DPP10: variants seen among roughly 807,000 people sequenced by gnomAD.
DPP10 encodes the protein dipeptidyl peptidase like 10, also known as inactive dipeptidyl peptidase 10.
Under a neutral mutation model 120.9 loss-of-function variants are expected in DPP10, and 33 were observed. That is an observed-to-expected ratio of 0.27 (90% CI 0.21 to 0.37). The LOEUF (loss-of-function observed/expected upper bound fraction) is 0.37, where lower values mean the gene tolerates loss of function less well. DPP10 is among the 10% of genes least tolerant of loss of function. The probability of loss-of-function intolerance (pLI) is 1.00; values close to 1 mark genes in which losing one functional copy is unlikely to be tolerated. For missense variants in DPP10, 816 were observed against 942.8 expected, an observed-to-expected ratio of 0.87 and a Z score of 1.76; for synonymous variants, 337 against 326.1, an observed-to-expected ratio of 1.03 and a Z score of -0.36.
At chr2:114,761,601 T>C (rs988586389) in intron 1 of DPP10, among the ~76,000 whole-genome samples, 2 of 152,120 alleles carry the variant, frequency 1.3e-5, no homozygotes, top group Admixed American at 1.3e-4. Context: ...ATCCTTTGGG[T>C]CCTCTGCATA....
At chr2:115,635,292 A>G (rs2086235386) in intron 5 of DPP10, among the ~76,000 whole-genome samples, 1 of 152,170 alleles carries the variant, frequency 6.6e-6, no homozygotes, top group Non-Finnish European at 1.5e-5. Context: ...GAGAATCTGC[A>G]CAACTCTGCG....
At chr2:115,554,690 C>CAT (rs1281119440) in intron 5 of DPP10, among the ~76,000 whole-genome samples, 7 of 152,188 alleles carry the variant, frequency 4.6e-5, no homozygotes, top group African/African-American at 1.4e-4. Flanking sequence ...CACCAACACA[C>CAT]ATAAGTCTTT....
intron 11 of DPP10, among the ~76,000 whole-genome samples, chr2:115,758,908 A>G (rs1460986413): frequency 2.0e-5 from 3 of 152,192 alleles, no homozygotes; most frequent in Non-Finnish European, 4.4e-5. Context: ...TTGACAACTC[A>G]TATCATATTC....
intron 1 of DPP10, among the ~76,000 whole-genome samples, chr2:114,891,114 A>T (rs1398819390): frequency 6.6e-6 from 1 of 152,186 alleles, no homozygotes; most frequent in Non-Finnish European, 1.5e-5. Flanking sequence ...CAAGTTTTAG[A>T]CAAATTCCAA....
chr2:115,273,200 A>C (rs901590145), intron 1 of DPP10, among the ~76,000 whole-genome samples: 1 of 152,106 alleles, frequency 6.6e-6, no homozygotes, highest in African/African-American at 2.4e-5. Flanking sequence ...TTTCTTTTCT[A>C]AAAGACAACA....
At chr2:114,554,051 A>G (rs1013776595) in intron 1 of DPP10, among the ~76,000 whole-genome samples, 1 of 152,248 alleles carries the variant, frequency 6.6e-6, no homozygotes, top group Admixed American at 6.5e-5. Flanking sequence ...TGAGATCATC[A>G]GGAACAACTT....
chr2:115,679,027 G>T (rs1448645286), intron 5 of DPP10, among the ~76,000 whole-genome samples: 1 of 152,180 alleles, frequency 6.6e-6, no homozygotes, highest in African/African-American at 2.4e-5. Flanking sequence ...TATCTAGGAA[G>T]TAACTAATTT....
intron 3 of DPP10, among the ~76,000 whole-genome samples, chr2:115,406,854 CCTTTT>C (rs1407152160): frequency 1.3e-5 from 2 of 152,058 alleles, no homozygotes; most frequent in African/African-American, 2.4e-5. Flanking sequence ...ATTTCAACAC[CCTTTT>C]CTTAATTGAT....
At chr2:115,034,191 G>A (rs1032311709) in intron 1 of DPP10, among the ~76,000 whole-genome samples, 5 of 151,886 alleles carry the variant, frequency 3.3e-5, no homozygotes, top group East Asian at 3.9e-4. Flanking sequence ...CACTGCTCCC[G>A]GCCTGGCCAA....
chr2:115,403,623 C>G (rs1256685383), intron 3 of DPP10, among the ~76,000 whole-genome samples: 1 of 152,090 alleles, frequency 6.6e-6, no homozygotes, highest in African/African-American at 2.4e-5. Flanking sequence ...TGGCCTCTAA[C>G]TCCTAACCTC....
chr2:114,979,856 A>G (rs746007321), intron 1 of DPP10, among the ~76,000 whole-genome samples: 1 of 152,092 alleles, frequency 6.6e-6, no homozygotes, highest in Non-Finnish European at 1.5e-5. Context: ...TATTTTCTTT[A>G]TGATATACAT....
intron 1 of DPP10, among the ~76,000 whole-genome samples, chr2:115,035,122 C>G (rs1350316219): frequency 6.6e-6 from 1 of 152,212 alleles, no homozygotes; most frequent in Non-Finnish European, 1.5e-5. Context: ...CTGACCATGC[C>G]CCGACATATT....
intron 7 of DPP10, among the ~76,000 whole-genome samples, chr2:115,690,535 C>G (rs1466595041): frequency 1.3e-5 from 2 of 152,118 alleles, no homozygotes; most frequent in African/African-American, 4.8e-5. Context: ...GCTTCAGCCT[C>G]CTGAGTACTT....
At chr2:114,628,225 T>G (rs1490766836) in intron 1 of DPP10, among the ~76,000 whole-genome samples, 1 of 152,136 alleles carries the variant, frequency 6.6e-6, no homozygotes, top group Non-Finnish European at 1.5e-5. Flanking sequence ...GAGGCCAGTA[T>G]TTTCTAAATA....
chr2:114,456,232 A>G (rs1258036047), intron 1 of DPP10, among the ~76,000 whole-genome samples: 4 of 152,244 alleles, frequency 2.6e-5, no homozygotes, highest in East Asian at 3.8e-4. Context: ...CAGAAAGCGC[A>G]TCTAATGGGA....
chr2:115,116,868 T>C (rs2049536867), intron 1 of DPP10, among the ~76,000 whole-genome samples: 1 of 152,242 alleles, frequency 6.6e-6, no homozygotes, highest in African/African-American at 2.4e-5. Context: ...CAATACATAA[T>C]GTAACATTGA....
chr2:115,567,046 A>G (rs1187554754), intron 5 of DPP10, among the ~76,000 whole-genome samples: 1 of 152,118 alleles, frequency 6.6e-6, no homozygotes, highest in African/African-American at 2.4e-5. Context: ...AAACCGACTC[A>G]TTACATTTCA....
intron 1 of DPP10, among the ~76,000 whole-genome samples, chr2:115,090,220 A>T (rs763551797): frequency 1.2e-4 from 18 of 152,192 alleles, no homozygotes; most frequent in Non-Finnish European, 1.8e-4. Flanking sequence ...TGCAAAGAAG[A>T]ATTCTACTCA....
chr2:115,465,673 A>G (rs1319503366), intron 3 of DPP10, among the ~76,000 whole-genome samples: 1 of 152,030 alleles, frequency 6.6e-6, no homozygotes, highest in Admixed American at 6.6e-5. Context: ...AAATACAAAA[A>G]TTAGCCAGGG....
Sources: gnomAD v4.1 joint callset for allele counts (sites outside exome capture counted in the v4.1 genomes callset) on GRCh38, gnomAD v4.1.1 for gene constraint, MANE v1.5 for transcripts, NCBI Gene and HGNC (gene_info 2026-07-23, HGNC 2026-07-21) for gene names.